DOP1B: variants seen among roughly 807,000 people sequenced by gnomAD.
DOP1B encodes the protein DOP1 leucine zipper like protein B.
A neutral mutation model predicts 233.5 loss-of-function variants in DOP1B; 174 were observed. The ratio of observed to expected loss-of-function variants is 0.75; its 90% confidence interval spans 0.66 to 0.85. The LOEUF (loss-of-function observed/expected upper bound fraction) is 0.85. Among genes scored for constraint, DOP1B ranks in the 40% least tolerant of loss-of-function variants. The pLI, the probability that DOP1B is intolerant of heterozygous loss-of-function variation, is 0.00. For synonymous variants in DOP1B, 1,190 were observed against 1,185.6 expected (o/e 1.00, Z -0.08); for missense variants, 2,652 against 2,846.6 (o/e 0.93, Z 1.56).
At chr21:36,244,447 G>A (rs139840137) in intron 18 of DOP1B, among the ~76,000 whole-genome samples, 2,077 of 151,712 alleles carry the variant, frequency 0.014, 51 homozygotes, top group African/African-American at 0.048. Context: ...TTTTTAAGAC[G>A]GAGTTTCGCT....
At chr21:36,204,750 G>A (rs2066408927) in intron 4 of DOP1B, among the ~76,000 whole-genome samples, 3 of 144,314 alleles carry the variant, frequency 2.1e-5, no homozygotes, top group South Asian at 4.3e-4. Context: ...CACCTCCCGG[G>A]TACAAGCGAT....
chr21:36,260,645 C>T lies in DOP1B; in HGVS notation c.5260-32C>T. On this transcript the variant is annotated intron_variant, in intron 23 of 36. Coordinates refer to ENST00000691173, the MANE Select transcript of DOP1B (RefSeq NM_001320714.2). ...TTCTTTTAGCCTTATTTCCCACCAA[C>T]TCGGAGTAATTGGTTTTACTTTCAT... The T allele has an allele frequency of 1.9e-6, 3 of 1,612,916 alleles. No homozygotes were observed. In the African/African-American group the frequency reaches 4.0e-5, roughly 22 times the overall value.
intron 13 of DOP1B, 31 bp from the exon 14 acceptor site, chr21:36,230,419 T>G (rs2066746364): frequency 6.3e-7 from 1 of 1,576,654 alleles, no homozygotes; most frequent in Admixed American, 1.8e-5. Context: ...TGTTAAGAGA[T>G]GCACAATTCA....
rs764745845 is a variant in DOP1B, at chr21:36,230,920, A to G, written c.2136A>G (p.Ser712=). 10 of 1,614,080 alleles carry G rather than the reference A, an allele frequency of 6.2e-6. No individual in the cohort carries two copies. In the African/African-American group the frequency reaches 1.1e-4, roughly 17 times the overall value. The change falls in exon 14 of 37, where the codon TCA becomes TCG. Residue 712 remains serine (S), a synonymous_variant. Coordinates refer to ENST00000691173, the MANE Select transcript of DOP1B (RefSeq NM_001320714.2). Reference sequence around the variant, plus strand: ...GGTCTCCATTCAAGACAAAAAGTTCAGAGTCACCATCGTCTTCGCCCAGCA... The same window carrying G: ...GGTCTCCATTCAAGACAAAAAGTTCGGAGTCACCATCGTCTTCGCCCAGCA... ...ARGSPFKTKS[S]ESPSSSPSSP...
chr21:36,235,521 C>G (rs756824136), intron 15 of DOP1B, among the ~76,000 whole-genome samples: 2 of 151,150 alleles, frequency 1.3e-5, no homozygotes, highest in Non-Finnish European at 2.9e-5. Flanking sequence ...CTCAGGAGTT[C>G]GAGACCAGTC....
chr21:36,257,727 T>G (rs1283899658), intron 23 of DOP1B, among the ~76,000 whole-genome samples: 1 of 146,700 alleles, frequency 6.8e-6, no homozygotes, highest in African/African-American at 2.6e-5. Flanking sequence ...GGTAGGTAGG[T>G]AGATAGATGT....
At chr21:36,248,919 A>G (rs1414050902) in intron 21 of DOP1B, among the ~76,000 whole-genome samples, 1 of 152,050 alleles carries the variant, frequency 6.6e-6, no homozygotes, top group Non-Finnish European at 1.5e-5. Context: ...AGCCTGGCCA[A>G]CATGGTGAAA....
Position 36,227,574 on chromosome 21 carries a change from A to G in DOP1B, c.1474-112A>G, listed in dbSNP as rs573379902. 4 of 941,670 alleles carry G rather than the reference A, an allele frequency of 4.2e-6. No homozygotes were observed. The African/African-American group carries it at 5.0e-5, about 12-fold the overall frequency. 58.3% of individuals were successfully genotyped at this position (941,670 alleles called of 1,614,324 possible). ...AAAAAGAAAGAAAGAAAGAAAGAAA[A>G]TTAGTGTGAAATTTATGCCCTAAAA... On this transcript the variant is annotated intron_variant, in intron 12 of 36. Transcript: ENST00000691173.
rs374214322 is a variant in DOP1B at position 36,237,327 on chromosome 21, A to G, written c.2688A>G (p.Val896=). Residue 896 remains valine, a synonymous_variant, in exon 16 of 37, where the codon GTA becomes GTG. Transcript: ENST00000691173. The part of the protein sequence containing the change: ...KETREHHVTC[V]ELFYRLHCLA... ...CCCGGGAGCATCACGTCACCTGCGTAGAATTGTTCTACCGGCTGCACTGCC... is the reference window on the plus strand; with the variant it reads ...CCCGGGAGCATCACGTCACCTGCGTGGAATTGTTCTACCGGCTGCACTGCC... 3.2e-5 allele frequency: 51 copies of G among 1,614,078 alleles called. No individual in the cohort carries two copies. Among genetic ancestry groups the G allele is most frequent in the Non-Finnish European group, 4.1e-5 (48 of 1,180,048 alleles).
intron 26 of DOP1B, among the ~76,000 whole-genome samples, chr21:36,267,903 C>T (rs1214445107): frequency 6.6e-6 from 1 of 152,010 alleles, no homozygotes; most frequent in East Asian, 1.9e-4. Flanking sequence ...ACAGAGATCA[C>T]ATGCTTCAAA....
At chr21:36,237,523 A>T (rs573323190) in intron 16 of DOP1B, 109 bp downstream of exon 16, 1 of 1,365,404 alleles carries the variant, frequency 7.3e-7, no homozygotes, top group Non-Finnish European at 1.0e-6. Context: ...GGCTGAGTGG[A>T]CATCGTGATT....
chr21:36,278,994 G>C (rs1468275892), intron 30 of DOP1B, among the ~76,000 whole-genome samples: 1 of 152,068 alleles, frequency 6.6e-6, no homozygotes. Flanking sequence ...GACCCTGGGG[G>C]TGTCTTTACC....
At chr21:36,163,021 A>G (rs1209881417) in intron 1 of DOP1B, among the ~76,000 whole-genome samples, 1 of 151,996 alleles carries the variant, frequency 6.6e-6, no homozygotes, top group African/African-American at 2.4e-5. Flanking sequence ...AAGTGAGGAA[A>G]CAGAAAGGAC....
At chr21:36,274,432 A>G (rs2067326757) in intron 27 of DOP1B, among the ~76,000 whole-genome samples, 1 of 152,196 alleles carries the variant, frequency 6.6e-6, no homozygotes, top group African/African-American at 2.4e-5. Context: ...AAACAGAAGA[A>G]AAAACATTTC....
intron 21 of DOP1B, 83 bp downstream of exon 21, chr21:36,248,651 A>G: frequency 2.2e-6 from 3 of 1,369,346 alleles, no homozygotes; most frequent in South Asian, 1.6e-5. Context: ...GAAAGTGTGC[A>G]TGATAAACAG....
intron 2 of DOP1B, among the ~76,000 whole-genome samples, chr21:36,196,813 A>G (rs2066295648): frequency 6.6e-6 from 1 of 152,122 alleles, no homozygotes; most frequent in Admixed American, 6.6e-5. Flanking sequence ...CCAGCTATTC[A>G]GGAGGCCAAG....
In DOP1B at chr21:36,263,407, G is replaced by A. The variant is rs1260280005; in HGVS notation, c.5316-139G>A. The A allele has an allele frequency of 7.1e-6, 5 of 706,064 alleles. No homozygotes were observed. The East Asian group carries it at 1.3e-4, about 19-fold the overall frequency. The allele number at this position is 706,064 out of a possible 1,614,324, so 43.7% of individuals were successfully genotyped here. On this transcript the variant is annotated intron_variant, in intron 24 of 36. Coordinates refer to ENST00000691173, the MANE Select transcript of DOP1B (RefSeq NM_001320714.2). Reference sequence around the variant, plus strand: ...AAAGTTTAGCTCATGTACATTGTAAGTTTTTAAAAAGAAAAAGGTCAGTGA... The same window carrying A: ...AAAGTTTAGCTCATGTACATTGTAAATTTTTAAAAAGAAAAAGGTCAGTGA...
At chr21:36,265,617 C>T (rs111532551) in intron 26 of DOP1B, among the ~76,000 whole-genome samples, 20 of 152,196 alleles carry the variant, frequency 1.3e-4, no homozygotes, top group South Asian at 2.1e-4. Flanking sequence ...GGACAGGGCT[C>T]TGGCCACAGG....
intron 1 of DOP1B, among the ~76,000 whole-genome samples, chr21:36,161,511 G>A (rs766590399): frequency 2.6e-5 from 4 of 152,046 alleles, no homozygotes; most frequent in African/African-American, 7.2e-5. Context: ...GTATAATTCA[G>A]TGTTGTTGTT....
Sources: gnomAD v4.1 joint callset for allele counts (sites outside exome capture counted in the v4.1 genomes callset) on GRCh38, gnomAD v4.1.1 for gene constraint, MANE v1.5 for transcripts, NCBI Gene and HGNC (gene_info 2026-07-23, HGNC 2026-07-21) for gene names.